FAM81A: variants seen among roughly 807,000 people sequenced by gnomAD.
The protein encoded by FAM81A is family with sequence similarity 81 member A, also known as protein FAM81A.
A neutral mutation model predicts 46.7 loss-of-function variants in FAM81A; 19 were observed. That is an observed-to-expected ratio of 0.41 (90% CI 0.28 to 0.60). FAM81A has a LOEUF of 0.60. FAM81A is among the 20% of genes least tolerant of loss of function. The pLI, the probability that FAM81A is intolerant of heterozygous loss-of-function variation, is 0.34. For synonymous variants in FAM81A, 183 were observed against 152.9 expected (o/e 1.20, Z -1.45); for missense variants, 377 against 453.5 (o/e 0.83, Z 1.53).
intron 4 of FAM81A, among the ~76,000 whole-genome samples, chr15:59,504,110 A>G (rs888175664): frequency 1.7e-4 from 26 of 152,196 alleles, no homozygotes; most frequent in African/African-American, 5.8e-4. Context: ...CTGGAAAATA[A>G]TGTCTTTTAA....
chr15:59,458,370 T>C (rs879711256), intron 1 of FAM81A, among the ~76,000 whole-genome samples, 180 bp from the exon 2 acceptor site: 5 of 152,140 alleles, frequency 3.3e-5, no homozygotes, highest in African/African-American at 7.2e-5. Context: ...CTTGATTGCT[T>C]TTCTTCTTAT....
At position 59,458,618 on chromosome 15, in the gene FAM81A, G is replaced by C. The variant is rs760005568; in HGVS notation, c.-9G>C. The C allele has an allele frequency of 6.2e-7, 1 of 1,613,906 alleles. No individual in the cohort carries two copies. The highest frequency in any genetic ancestry group is 8.5e-7 in the Non-Finnish European group (1 of 1,179,816). Reference sequence around the variant, plus strand: ...TTCCTTCTCGTGTCACCAAGGAAAGGTATAATATATGGAAAATATGCATCT... The same window carrying C: ...TTCCTTCTCGTGTCACCAAGGAAAGCTATAATATATGGAAAATATGCATCT... On this transcript the variant is annotated 5_prime_UTR_variant, in exon 2 of 9. Coordinates refer to ENST00000288228, the MANE Select transcript of FAM81A (RefSeq NM_152450.3).
rs753319933 is a variant in FAM81A, at chr15:59,522,364, G to A, written c.*986G>A. On this transcript the variant is annotated 3_prime_UTR_variant, in exon 9 of 9. Transcript: ENST00000288228. ...TAGAAAGTATGATAATCCGTCAGAA[G>A]TATGATGTAAAACTGGAATCCTCTG... The A allele has an allele frequency of 6.6e-6, 1 of 152,628 alleles. No individual in the cohort carries two copies. The highest frequency in any genetic ancestry group is 2.4e-5 in the African/African-American group (1 of 41,438). 9.5% of individuals were successfully genotyped at this position (152,628 alleles called of 1,614,324 possible). A position where few individuals can be genotyped will look rare whatever the true frequency, so the allele number is the denominator to read the frequency against.
chr15:59,424,621 C>G (rs879932244), intron 2 of FAM81A, among the ~76,000 whole-genome samples: 2 of 152,188 alleles, frequency 1.3e-5, no homozygotes, highest in Non-Finnish European at 1.5e-5. Context: ...ACAGAGTTCT[C>G]CATTTCATAA....
At chr15:59,472,588 G>C (rs2081708850) in intron 3 of FAM81A, among the ~76,000 whole-genome samples, 1 of 150,092 alleles carries the variant, frequency 6.7e-6, no homozygotes, top group Non-Finnish European at 1.5e-5. Flanking sequence ...GTTTTCTGGA[G>C]ACGGGGTCTG....
At chr15:59,505,795 A>T (rs2082143162) in intron 4 of FAM81A, among the ~76,000 whole-genome samples, 1 of 152,208 alleles carries the variant, frequency 6.6e-6, no homozygotes, top group Non-Finnish European at 1.5e-5. Context: ...CCTACGAGAC[A>T]AAGAGCATTT....
intron 2 of FAM81A, among the ~76,000 whole-genome samples, chr15:59,412,587 C>T (rs79505288): frequency 0.019 from 2,839 of 151,894 alleles, 101 homozygotes; most frequent in African/African-American, 0.065. Flanking sequence ...ATTAGCTTGG[C>T]GTGGTGGTAT....
At chr15:59,509,171 T>A (rs1428494449) in intron 6 of FAM81A, among the ~76,000 whole-genome samples, 19 of 152,202 alleles carry the variant, frequency 1.2e-4, no homozygotes, top group African/African-American at 4.3e-4. Context: ...TATCCACCTA[T>A]TCATTCAACA....
At chr15:59,413,068 G>C (rs1458563326) in intron 2 of FAM81A, among the ~76,000 whole-genome samples, 3 of 152,170 alleles carry the variant, frequency 2.0e-5, no homozygotes, top group African/African-American at 4.8e-5. Context: ...CAGCTCCCTT[G>C]GGAGCAACAG....
chr15:59,447,914 A>G, intron 1 of FAM81A, among the ~76,000 whole-genome samples: 1 of 152,214 alleles, frequency 6.6e-6, no homozygotes, highest in Non-Finnish European at 1.5e-5. Flanking sequence ...CTGGGCACTC[A>G]GCAGGGCAGT....
chr15:59,482,209 T>C (rs1402127449), intron 3 of FAM81A, among the ~76,000 whole-genome samples: 1 of 152,178 alleles, frequency 6.6e-6, no homozygotes, highest in Non-Finnish European at 1.5e-5. Context: ...TGCTTAGAGA[T>C]TGAAAAACAA....
At chr15:59,475,788 T>G (rs1006366406) in intron 3 of FAM81A, among the ~76,000 whole-genome samples, 1 of 152,234 alleles carries the variant, frequency 6.6e-6, no homozygotes, top group African/African-American at 2.4e-5. Context: ...GAAACACTAA[T>G]TATATTGATT....
At chr15:59,454,880 TC>T (rs1371138598) in intron 1 of FAM81A, among the ~76,000 whole-genome samples, 1 of 150,334 alleles carries the variant, frequency 6.7e-6, no homozygotes, top group Non-Finnish European at 1.5e-5. Flanking sequence ...CAAGAAATCC[TC>T]CCACCTTAGC....
Position 59,460,289 on chromosome 15 carries a change from A to T in FAM81A, c.294+83A>T. ...AGGAGGTCACCCACATCTAACTCCT[A>T]CCTCCCAGGCAGTACTGCATTTAGA... On this transcript the variant is annotated intron_variant, in intron 3 of 8. Transcript: ENST00000288228. The surrounding 1 kb of genome is among the most constrained non-coding windows in gnomAD (Gnocchi z 4.4). The T allele has an allele frequency of 6.4e-7, 1 of 1,557,092 alleles. No homozygotes were observed. The highest frequency in any genetic ancestry group is 1.4e-5 in the African/African-American group (1 of 73,880).
chr15:59,398,754 T>G (rs570379700), intron 1 of FAM81A, among the ~76,000 whole-genome samples: 1 of 80,078 alleles, frequency 1.2e-5, no homozygotes, highest in African/African-American at 4.9e-5. Flanking sequence ...TGAGACTCTG[T>G]CTCAGAAAAA....
intron 1 of FAM81A, among the ~76,000 whole-genome samples, chr15:59,449,933 T>C (rs1269467605): frequency 1.3e-5 from 2 of 151,752 alleles, no homozygotes; most frequent in African/African-American, 2.4e-5. Context: ...CTTTCCTTTT[T>C]TTTTGTGAGA....
chr15:59,512,888 A>T (rs1442547856), intron 6 of FAM81A, among the ~76,000 whole-genome samples: 1 of 152,236 alleles, frequency 6.6e-6, no homozygotes, highest in Non-Finnish European at 1.5e-5. Context: ...ACTTTGATGC[A>T]TCATGAGGCT....
At chr15:59,439,599 T>G (rs2141579551) in intron 1 of FAM81A, among the ~76,000 whole-genome samples, 1 of 152,324 alleles carries the variant, frequency 6.6e-6, no homozygotes, top group East Asian at 1.9e-4. Flanking sequence ...CCCTTGATTT[T>G]CATTCGAATC....
intron 1 of FAM81A, among the ~76,000 whole-genome samples, chr15:59,449,086 T>C (rs2081384944): frequency 6.6e-6 from 1 of 152,186 alleles, no homozygotes; most frequent in African/African-American, 2.4e-5. Flanking sequence ...TCACATAGTA[T>C]TAAGTATGGA....
Sources: allele counts gnomAD v4.1 joint callset (sites outside exome capture counted in the v4.1 genomes callset), GRCh38; gene constraint gnomAD v4.1.1; non-coding constraint Gnocchi (gnomAD v3.1); transcripts MANE v1.5; gene names NCBI Gene and HGNC (gene_info 2026-07-23, HGNC 2026-07-21).